The following UNC13C variants were observed in gnomAD, a reference collection of about 807,000 sequenced individuals.
UNC13C encodes the protein unc-13 homolog C.
A neutral mutation model predicts 245.4 loss-of-function variants in UNC13C; 174 were observed. The ratio of observed to expected loss-of-function variants is 0.71; its 90% CI spans 0.63 to 0.80. UNC13C has a LOEUF of 0.80. Among genes scored for constraint, UNC13C ranks in the 30% least tolerant of loss-of-function variants. The pLI is 0.00. For missense variants in UNC13C, 2,829 were observed against 2,602.9 expected (o/e 1.09, Z -1.89); for synonymous variants, 992 against 895.1 (o/e 1.11, Z -1.93).
At chr15:54,521,192 A>G (rs1479604071) in intron 24 of UNC13C, among the ~76,000 whole-genome samples, 1 of 152,192 alleles carries the variant, frequency 6.6e-6, no homozygotes, top group Non-Finnish European at 1.5e-5. Context: ...AAAATATTGG[A>G]GAGTATGAAA....
At chr15:54,425,335 G>T (rs954822355) in intron 19 of UNC13C, among the ~76,000 whole-genome samples, 3 of 151,756 alleles carry the variant, frequency 2.0e-5, no homozygotes, top group African/African-American at 7.3e-5. Flanking sequence ...GGGGCTACAA[G>T]AGAAGATTTC....
chr15:54,036,923 G>A (rs932268342), intron 2 of UNC13C, among the ~76,000 whole-genome samples: 1 of 152,242 alleles, frequency 6.6e-6, no homozygotes, highest in Admixed American at 6.5e-5. Flanking sequence ...GTCATTAAAT[G>A]AATGGACCTT....
intron 2 of UNC13C, 117 bp downstream of exon 2, chr15:54,016,003 A>G: frequency 4.4e-6 from 4 of 899,728 alleles, no homozygotes; most frequent in Non-Finnish European, 6.6e-6. Flanking sequence ...ATGACTTTCC[A>G]TGCTTTACTC....
chr15:53,956,101 C>T, the UNC13C span, among the ~76,000 whole-genome samples: 5 of 152,158 alleles, frequency 3.3e-5, no homozygotes, highest in African/African-American at 1.2e-4. Flanking sequence ...CACATGTTCT[C>T]ACTTATAGGT....
At chr15:53,866,236 A>C in the UNC13C span, among the ~76,000 whole-genome samples, 1 of 152,200 alleles carries the variant, frequency 6.6e-6, no homozygotes, top group Non-Finnish European at 1.5e-5. Flanking sequence ...AAACCTTTCA[A>C]GTTTTGAAAG....
chr15:54,567,281 T>G (rs1028958782), intron 29 of UNC13C, among the ~76,000 whole-genome samples: 1 of 152,156 alleles, frequency 6.6e-6, no homozygotes, highest in Non-Finnish European at 1.5e-5. Flanking sequence ...CAAGGACCAC[T>G]CTGCTTCGTC....
At chr15:54,044,363 G>T in intron 2 of UNC13C, 1 of 247,960 alleles carries the variant, frequency 4.0e-6, no homozygotes, top group South Asian at 3.9e-5. Context: ...CCACTTTTTG[G>T]CTATTGTGAA....
At chr15:54,375,991 A>G (rs2039598928) in intron 17 of UNC13C, among the ~76,000 whole-genome samples, 1 of 152,150 alleles carries the variant, frequency 6.6e-6, no homozygotes, top group African/African-American at 2.4e-5. Flanking sequence ...ACAATATTTT[A>G]TTTTCTCCAT....
chr15:54,351,868 G>A (rs940775364), intron 17 of UNC13C, among the ~76,000 whole-genome samples: 4 of 151,922 alleles, frequency 2.6e-5, no homozygotes, highest in African/African-American at 9.7e-5. Flanking sequence ...TCACTCAGTA[G>A]CCACTGTTTT....
At chr15:54,084,724 A>T (rs999957168) in intron 2 of UNC13C, among the ~76,000 whole-genome samples, 3 of 152,210 alleles carry the variant, frequency 2.0e-5, no homozygotes, top group African/African-American at 7.2e-5. Flanking sequence ...GGATCCACAA[A>T]TATTACTGCT....
chr15:54,418,044 G>T (rs1339615733), intron 19 of UNC13C, among the ~76,000 whole-genome samples: 1 of 151,960 alleles, frequency 6.6e-6, no homozygotes, highest in Admixed American at 6.6e-5. Flanking sequence ...CTGCCTCAAC[G>T]TCCCAAGTAG....
At chr15:54,418,542 C>A (rs763300773) in intron 19 of UNC13C, among the ~76,000 whole-genome samples, 1 of 152,064 alleles carries the variant, frequency 6.6e-6, no homozygotes, top group East Asian at 1.9e-4. Context: ...GCACCTGGTG[C>A]ATTTAGGGCT....
At chr15:54,109,950 A>G (rs1900681007) in intron 2 of UNC13C, among the ~76,000 whole-genome samples, 2 of 152,004 alleles carry the variant, frequency 1.3e-5, no homozygotes, top group Admixed American at 1.3e-4. Context: ...TTTCAATATC[A>G]TTTCCAGCTA....
At chr15:54,045,612 C>A (rs1167567891) in intron 2 of UNC13C, among the ~76,000 whole-genome samples, 1 of 152,116 alleles carries the variant, frequency 6.6e-6, no homozygotes, top group Non-Finnish European at 1.5e-5. Context: ...TGAGTCATAC[C>A]AATGGGGAGA....
At chr15:54,517,970 G>T (rs754855295) in intron 24 of UNC13C, among the ~76,000 whole-genome samples, 2 of 152,150 alleles carry the variant, frequency 1.3e-5, no homozygotes, top group South Asian at 4.1e-4. Context: ...TTTGGCTGAC[G>T]TCAGTAAAAG....
At chr15:54,131,882 T>C (rs1482252796) in intron 2 of UNC13C, among the ~76,000 whole-genome samples, 2 of 152,046 alleles carry the variant, frequency 1.3e-5, no homozygotes, top group African/African-American at 4.8e-5. Flanking sequence ...TGAAATCCTT[T>C]TTACTCTGCC....
At chr15:53,888,675 G>A in the UNC13C span, among the ~76,000 whole-genome samples, 3 of 152,046 alleles carry the variant, frequency 2.0e-5, no homozygotes, top group African/African-American at 4.8e-5. Flanking sequence ...TGGTTTTTAT[G>A]GTTTTAGGTC....
intron 4 of UNC13C, among the ~76,000 whole-genome samples, chr15:54,170,742 T>G (rs563054329): frequency 6.6e-6 from 1 of 152,110 alleles, no homozygotes; most frequent in Admixed American, 6.5e-5. Context: ...GCAATGAAGG[T>G]GCCACAGGTG....
At chr15:54,518,918 G>A (rs751387601) in intron 24 of UNC13C, among the ~76,000 whole-genome samples, 1 of 152,064 alleles carries the variant, frequency 6.6e-6, no homozygotes, top group Non-Finnish European at 1.5e-5. Context: ...TTCACAATTA[G>A]CCAATAGATG....
Sources: allele counts gnomAD v4.1 joint callset (sites outside exome capture counted in the v4.1 genomes callset), GRCh38; gene constraint gnomAD v4.1.1; transcripts MANE v1.5; gene names NCBI Gene and HGNC (gene_info 2026-07-23, HGNC 2026-07-21).